Variants in CSMD2 observed in about 807,000 individuals in gnomAD.
CSMD2 encodes the protein CUB and Sushi multiple domains 2.
Under a neutral mutation model 398.5 loss-of-function variants are expected in CSMD2, and 130 were observed. The ratio of observed to expected loss-of-function variants is 0.33; its 90% CI spans 0.28 to 0.38. CSMD2 has a LOEUF of 0.38. Ranked by LOEUF, CSMD2 falls within the 10% of genes least tolerant of loss-of-function variation. The pLI is 1.00. For synonymous variants in CSMD2, 1,828 were observed against 1,908.5 expected (o/e 0.96, Z 1.10); for missense variants, 3,829 against 4,764.9 (o/e 0.80, Z 5.78).
In CSMD2 at chr1:33,692,016, T is replaced by C. The variant is rs74368892; in HGVS notation, c.4052+914A>G. ...AGATTCAGAAAGACCTGGGTTCGGA[T>C]CTCAGAGTTTTGATTCCCTGTGCAA... On this transcript the variant is annotated intron_variant, in intron 25 of 70. Coordinates refer to ENST00000373381, the MANE Select transcript of CSMD2 (RefSeq NM_001281956.2). Among the ~76,000 whole-genome samples the C allele has an allele frequency of 2.4e-3, 373 of 152,320 alleles. 1 individual carries two copies. The highest frequency in any genetic ancestry group is 8.3e-3 in the African/African-American group (344 of 41,546).
chr1:34,158,325 C>T (rs776090869), intron 1 of CSMD2, among the ~76,000 whole-genome samples: 32 of 152,162 alleles, frequency 2.1e-4, no homozygotes, highest in Non-Finnish European at 3.8e-4. Flanking sequence ...TGCAGGTTCA[C>T]CCCGATGTTC....
chr1:33,776,319 C>T (rs982894602), intron 12 of CSMD2, among the ~76,000 whole-genome samples: 1 of 152,178 alleles, frequency 6.6e-6, no homozygotes, highest in Admixed American at 6.5e-5. Context: ...GAGGGATGTC[C>T]TTCCCTCAAG....
chr1:33,923,115 A>C (rs1181633876), intron 4 of CSMD2, among the ~76,000 whole-genome samples: 1 of 152,008 alleles, frequency 6.6e-6, no homozygotes, highest in Non-Finnish European at 1.5e-5. Flanking sequence ...ATATTTGTAC[A>C]TTTTTATGGG....
At chr1:33,689,938 G>A (rs1165457616) in intron 25 of CSMD2, among the ~76,000 whole-genome samples, 1 of 152,180 alleles carries the variant, frequency 6.6e-6, no homozygotes, top group Non-Finnish European at 1.5e-5. Flanking sequence ...CAGTAGTTGA[G>A]AAAAGTTGGT....
At chr1:34,131,088 C>T (rs1276448058) in intron 1 of CSMD2, among the ~76,000 whole-genome samples, 3 of 152,168 alleles carry the variant, frequency 2.0e-5, no homozygotes, top group Admixed American at 1.3e-4. Flanking sequence ...CTCCACCTCC[C>T]ACCTCACCAA....
chr1:33,997,625 C>A (rs944571770), intron 3 of CSMD2, among the ~76,000 whole-genome samples: 1 of 152,056 alleles, frequency 6.6e-6, no homozygotes, highest in African/African-American at 2.4e-5. Context: ...GTCTTAAAAC[C>A]CATTAGGAGT....
At chr1:34,044,410 G>T (rs1161483967) in intron 2 of CSMD2, among the ~76,000 whole-genome samples, 2 of 152,156 alleles carry the variant, frequency 1.3e-5, no homozygotes, top group African/African-American at 2.4e-5. Context: ...TTATATTATA[G>T]CCCCTTTTAT....
At position 33,739,299 on chromosome 1, in the gene CSMD2, G is replaced by T; in HGVS notation, c.2209C>A (p.Pro737Thr). 6.2e-7 allele frequency: 1 copy of T among 1,613,988 alleles called. No homozygotes were observed. Among genetic ancestry groups the T allele is most frequent in the Non-Finnish European group, 8.5e-7 (1 of 1,179,942 alleles). The change falls in exon 15 of 71, where the codon CCA (proline) becomes ACA (threonine). Residue 737 changes from proline (P) to threonine (T), a missense_variant. Transcript: ENST00000373381. ...TCCCCAAACCGTTTGCCATTTACTGGAACGCCAGGATCCGGGCACTCGTTG... is the reference window on the plus strand; with the variant it reads ...TCCCCAAACCGTTTGCCATTTACTGTAACGCCAGGATCCGGGCACTCGTTG... ...RHNECPDPGV[P>T]VNGKRFGDSL...
intron 44 of CSMD2, among the ~76,000 whole-genome samples, chr1:33,597,915 C>T (rs1003467558): frequency 3.9e-5 from 6 of 152,200 alleles, no homozygotes; most frequent in Non-Finnish European, 8.8e-5. Flanking sequence ...AGTGCAGTCA[C>T]GTGCATCAAC....
At chr1:34,048,949 G>T (rs771602475) in intron 2 of CSMD2, among the ~76,000 whole-genome samples, 3 of 152,120 alleles carry the variant, frequency 2.0e-5, no homozygotes, top group Non-Finnish European at 4.4e-5. Flanking sequence ...CATACTCCAG[G>T]GAACTAGGAG....
intron 15 of CSMD2, among the ~76,000 whole-genome samples, chr1:33,734,105 A>G (rs775532674): frequency 5.3e-5 from 8 of 152,206 alleles, no homozygotes; most frequent in Non-Finnish European, 8.8e-5. Context: ...CTTAATGCCA[A>G]AATGAGCTAC....
chr1:33,763,443 G>A (rs1650092349), intron 13 of CSMD2, among the ~76,000 whole-genome samples: 1 of 152,206 alleles, frequency 6.6e-6, no homozygotes, highest in Admixed American at 6.5e-5. Flanking sequence ...AAAGGCCTAT[G>A]AGTGATTCTA....
In CSMD2 at chr1:33,659,151, G is replaced by C. The variant is rs72662055; in HGVS notation, c.4256-1014C>G. ...ATACTCAGGAATTTGCGACGTCTTC[G>C]TGTCTATTACCTAACCTAGTTTAAC... On this transcript the variant is annotated intron_variant, in intron 26 of 70. Transcript: ENST00000373381. Among the ~76,000 whole-genome samples the C allele has an allele frequency of 2.6e-5, 4 of 152,334 alleles. 1 individual carries two copies. Among genetic ancestry groups the C allele is most frequent in the African/African-American group, 9.6e-5 (4 of 41,576 alleles).
At chr1:33,530,945 T>A (rs898038380) in intron 64 of CSMD2, among the ~76,000 whole-genome samples, 22 of 151,808 alleles carry the variant, frequency 1.4e-4, no homozygotes, top group African/African-American at 4.1e-4. Flanking sequence ...GGGGCTAGGG[T>A]GGGGTGGTAC....
At chr1:34,152,075 T>C (rs1640378872) in intron 1 of CSMD2, among the ~76,000 whole-genome samples, 1 of 152,122 alleles carries the variant, frequency 6.6e-6, no homozygotes, top group South Asian at 2.1e-4. Flanking sequence ...GGTCTCAAAC[T>C]CCTGGCCTCA....
chr1:33,639,201 G>A (rs1056814202), intron 29 of CSMD2, among the ~76,000 whole-genome samples: 2 of 152,192 alleles, frequency 1.3e-5, no homozygotes, highest in South Asian at 2.1e-4. Flanking sequence ...GACTAGCATG[G>A]TAGAGTAGGG....
chr1:34,032,186 AT>A (rs1467156133), intron 3 of CSMD2, among the ~76,000 whole-genome samples: 1 of 152,212 alleles, frequency 6.6e-6, no homozygotes, highest in Non-Finnish European at 1.5e-5. Flanking sequence ...CTTGGCAGTC[AT>A]TGTATGGTGT....
At chr1:33,948,891 G>A (rs764206105) in intron 3 of CSMD2, among the ~76,000 whole-genome samples, 34 of 152,204 alleles carry the variant, frequency 2.2e-4, no homozygotes, top group Non-Finnish European at 3.5e-4. Context: ...ATCAAGGGCT[G>A]TCAGGGTCAG....
chr1:33,932,791 C>T (rs982298751), intron 4 of CSMD2, among the ~76,000 whole-genome samples: 1 of 152,108 alleles, frequency 6.6e-6, no homozygotes, highest in Admixed American at 6.5e-5. Flanking sequence ...AAAATACTAC[C>T]CTATACCTAA....
Sources: allele counts gnomAD v4.1 joint callset (sites outside exome capture counted in the v4.1 genomes callset), GRCh38; gene constraint gnomAD v4.1.1; transcripts MANE v1.5; gene names NCBI Gene and HGNC (gene_info 2026-07-23, HGNC 2026-07-21).